ANK2: variants seen among roughly 807,000 people sequenced by gnomAD.
The protein encoded by ANK2 is ankyrin-2.
A neutral mutation model predicts 360.5 loss-of-function variants in ANK2; 83 were observed. The observed-to-expected ratio is 0.23, with a 90% CI of 0.19 to 0.28. The LOEUF is 0.28. Among genes scored for constraint, ANK2 ranks in the 10% least tolerant of loss-of-function variants. The pLI is 1.00. For synonymous variants in ANK2, 1,740 were observed against 1,759.5 expected (o/e 0.99, Z 0.28); for missense variants, 4,201 against 4,795.7 (o/e 0.88, Z 3.66).
intron 1 of ANK2, among the ~76,000 whole-genome samples, chr4:112,856,448 C>T (rs1408875154): frequency 1.3e-5 from 2 of 152,164 alleles, no homozygotes; most frequent in Non-Finnish European, 2.9e-5. Flanking sequence ...GTATTATTGG[C>T]CGGGTGTGGT....
intron 2 of ANK2, among the ~76,000 whole-genome samples, chr4:113,005,241 G>A (rs532013462): frequency 6.7e-6 from 1 of 148,954 alleles, no homozygotes; most frequent in East Asian, 2.2e-4. Flanking sequence ...CATTAGGTAT[G>A]TATCCAAAGG....
Position 113,357,006 on chromosome 4 carries a change from G to A in ANK2, c.8388G>A (p.Pro2796=), listed in dbSNP as rs369684289. ...AAPVSSGLQS[P]TGDDVDEQPV... is the part of the protein sequence containing the mutation. The stretch of plus-strand genomic sequence containing the variant: ...CTGTCTCTTCAGGTCTACAGAGTCC[G>A]ACTGGTGATGATGTTGATGAACAGC... Residue 2796 remains proline (P), a synonymous_variant, in exon 38 of 46, where the codon CCG becomes CCA. Coordinates refer to ENST00000357077, the MANE Select transcript of ANK2 (RefSeq NM_001148.6). 136 of 1,613,984 alleles carry A rather than the reference G, an allele frequency of 8.4e-5. No individual in the cohort carries two copies. The highest frequency in any genetic ancestry group is 5.1e-4 in the African/African-American group (38 of 75,012).
intron 45 of ANK2, among the ~76,000 whole-genome samples, chr4:113,376,779 A>G (rs1463145175): frequency 8.2e-6 from 1 of 122,348 alleles, no homozygotes; most frequent in Non-Finnish European, 1.8e-5. Context: ...TTTTAAATTT[A>G]TTATTTGTTT....
upstream of ANK2, among the ~76,000 whole-genome samples, chr4:113,048,274 ATATTTTTTTTTT>A (rs1217531241): frequency 2.2e-4 from 9 of 41,722 alleles, no homozygotes; most frequent in South Asian, 1.2e-3. Context: ...ATATATATAT[ATATTTTTTTTTT>A]TTTTTTTTTT....
At chr4:113,143,914 A>T (rs2096735886) in intron 1 of ANK2, among the ~76,000 whole-genome samples, 1 of 152,232 alleles carries the variant, frequency 6.6e-6, no homozygotes, top group South Asian at 2.1e-4. Context: ...ATATAAAATT[A>T]TTCAGGAAAC....
chr4:112,765,729 T>C, the ANK2 span, among the ~76,000 whole-genome samples: 1 of 144,304 alleles, frequency 6.9e-6, no homozygotes, highest in African/African-American at 2.5e-5. Context: ...AGCTCTAAAA[T>C]TCCTAACTCT....
At chr4:112,803,379 G>A in the ANK2 span, among the ~76,000 whole-genome samples, 14 of 152,276 alleles carry the variant, frequency 9.2e-5, no homozygotes, top group Admixed American at 4.6e-4. Context: ...GCCTTTATAG[G>A]AGGCAGGCAG....
At chr4:113,212,372 A>G (rs2099033302) in intron 4 of ANK2, among the ~76,000 whole-genome samples, 1 of 152,230 alleles carries the variant, frequency 6.6e-6, no homozygotes, top group Admixed American at 6.5e-5. Flanking sequence ...ATAAATTTGA[A>G]TGCATGTACA....
chr4:113,028,606 T>G (rs1469485008), intron 2 of ANK2, among the ~76,000 whole-genome samples: 1 of 152,176 alleles, frequency 6.6e-6, no homozygotes, highest in Non-Finnish European at 1.5e-5. Context: ...TTTGGAGGTA[T>G]GAAGGAAGGC....
At chr4:113,258,264 A>G (rs771107717) in intron 12 of ANK2, 49 bp from the exon 13 acceptor site, 4 of 1,598,942 alleles carry the variant, frequency 2.5e-6, no homozygotes, top group South Asian at 1.1e-5. Flanking sequence ...AGAAGCCCCA[A>G]AGCCCCACCG....
At chr4:113,159,233 G>C (rs1417019038) in intron 1 of ANK2, among the ~76,000 whole-genome samples, 1 of 113,454 alleles carries the variant, frequency 8.8e-6, no homozygotes, top group Non-Finnish European at 1.8e-5. Flanking sequence ...ACACACACTA[G>C]TTTATATTAT....
chr4:113,238,060 T>C (rs1485863623), intron 7 of ANK2, among the ~76,000 whole-genome samples: 1 of 152,184 alleles, frequency 6.6e-6, no homozygotes, highest in East Asian at 1.9e-4. Context: ...ATGCTCTTTT[T>C]CTTTACCACA....
At chr4:113,192,741 C>A (rs1464387387) in intron 2 of ANK2, among the ~76,000 whole-genome samples, 1 of 151,712 alleles carries the variant, frequency 6.6e-6, no homozygotes, top group Non-Finnish European at 1.5e-5. Flanking sequence ...ATAGTGATTC[C>A]TATGTCATTA....
At chr4:113,156,372 T>TTTTTTTTTTTTTTTG (rs1215636945) in intron 1 of ANK2, among the ~76,000 whole-genome samples, 1 of 74,710 alleles carries the variant, frequency 1.3e-5, no homozygotes, top group African/African-American at 7.1e-5. Flanking sequence ...AGAAAAATTC[T>TTTTTTTTTTTTTTTG]TTTTTTTTTG....
intron 2 of ANK2, among the ~76,000 whole-genome samples, chr4:112,906,177 G>A (rs1033965420): frequency 6.6e-6 from 1 of 152,078 alleles, no homozygotes; most frequent in Admixed American, 6.6e-5. Context: ...GACAAAGAAG[G>A]GAAGAATAAT....
intron 1 of ANK2, among the ~76,000 whole-genome samples, chr4:113,086,898 G>A (rs552746344): frequency 3.3e-5 from 5 of 152,280 alleles, no homozygotes; most frequent in African/African-American, 4.8e-5. Context: ...AGTCTGGAGC[G>A]TAGGGAGCAA....
chr4:113,215,782 A>G (rs531261859), intron 4 of ANK2, among the ~76,000 whole-genome samples: 1 of 141,222 alleles, frequency 7.1e-6, no homozygotes, highest in East Asian at 2.2e-4. Context: ...TGGTAGTTAA[A>G]CAGTTAAACT....
chr4:113,376,222 G>C (rs1295784945), intron 45 of ANK2, among the ~76,000 whole-genome samples: 3 of 152,120 alleles, frequency 2.0e-5, no homozygotes, highest in Non-Finnish European at 4.4e-5. Context: ...AACCTAGGTG[G>C]TATAGCCTAC....
chr4:113,322,999 C>T (rs7684392), intron 26 of ANK2, among the ~76,000 whole-genome samples: 32,819 of 151,784 alleles, frequency 0.22, 5,298 homozygotes, highest in African/African-American at 0.46. Flanking sequence ...GTTGGATTTC[C>T]GGTCCATTAA....
Sources: allele counts gnomAD v4.1 joint callset (sites outside exome capture counted in the v4.1 genomes callset), GRCh38; gene constraint gnomAD v4.1.1; transcripts MANE v1.5; gene names NCBI Gene and HGNC (gene_info 2026-07-23, HGNC 2026-07-21).